Variants in ABCA6 observed in about 807,000 individuals in gnomAD.
The protein encoded by ABCA6 is ATP-binding cassette sub-family A member 6.
In ABCA6, 164 loss-of-function variants were observed where a neutral mutation model predicts 191.2. The ratio of observed to expected loss-of-function variants is 0.86; its 90% CI spans 0.76 to 0.98. The LOEUF is 0.98. ABCA6 is among the 50% of genes least tolerant of loss of function. The pLI, the probability that ABCA6 is intolerant of heterozygous loss-of-function variation, is 0.00. For synonymous variants in ABCA6, 636 were observed against 647.7 expected (o/e 0.98, Z 0.27); for missense variants, 1,958 against 1,894.1 (o/e 1.03, Z -0.63).
rs1468363789 is a variant in ABCA6 at position 69,105,467 on chromosome 17, T to A, written c.2735A>T (p.Asn912Ile). 7 of 1,605,770 alleles carry A rather than the reference T, an allele frequency of 4.4e-6. No homozygotes were observed. The highest frequency in any genetic ancestry group is 1.3e-5 in the African/African-American group (1 of 74,550). Residue 912 changes from asparagine to isoleucine, a missense_variant, in exon 20 of 39, where the codon AAC becomes ATC. Coordinates refer to ENST00000284425, the MANE Select transcript of ABCA6 (RefSeq NM_080284.3). ...EPRTSLLIIN[N>I]TESNIEDFIK... ...AATTTTATTTTTCTTTTCACCTGTG[T>A]TATTGATGATCAACAGGCTGGTACG... is the stretch of plus-strand genomic sequence containing the variant.
chr17:69,109,713 C>G (rs2073382817), intron 17 of ABCA6: 1 of 152,124 alleles, frequency 6.6e-6, no homozygotes, highest in Non-Finnish European at 1.5e-5. Flanking sequence ...CGTGAATCAT[C>G]CCCTGTCCAG....
chr17:69,082,796 A>T lies in ABCA6; in HGVS notation c.4616+77T>A, dbSNP rs1199361952. On this transcript the variant is annotated intron_variant, in intron 36 of 38. Coordinates refer to ENST00000284425, the MANE Select transcript of ABCA6 (RefSeq NM_080284.3). ...TTATTATGAAGCCAAATCACTATGA[A>T]GTTCTCACACAGCAAAAAGGAAACC... is the stretch of plus-strand genomic sequence containing the variant. 2.5e-6 allele frequency: 4 copies of T among 1,573,722 alleles called. No homozygotes were observed. The South Asian group carries it at 4.7e-5, about 18-fold the overall frequency.
At chr17:69,116,317 T>G (rs2073537985) in intron 11 of ABCA6, among the ~76,000 whole-genome samples, 1 of 152,118 alleles carries the variant, frequency 6.6e-6, no homozygotes, top group Non-Finnish European at 1.5e-5. Flanking sequence ...AAATGGTACA[T>G]GTAAATCACT....
intron 10 of ABCA6, among the ~76,000 whole-genome samples, chr17:69,120,374 G>T (rs560923579): frequency 1.3e-5 from 2 of 151,838 alleles, no homozygotes; most frequent in South Asian, 4.2e-4. Context: ...CGTTCTCTTC[G>T]ATTTCCCTAA....
At chr17:69,122,535 C>T (rs970019033) in intron 10 of ABCA6, among the ~76,000 whole-genome samples, 1 of 152,020 alleles carries the variant, frequency 6.6e-6, no homozygotes, top group African/African-American at 2.4e-5. Context: ...CACTGAGACT[C>T]ATAAAATTTA....
intron 18 of ABCA6, among the ~76,000 whole-genome samples, chr17:69,106,997 A>G (rs1344195627): frequency 6.6e-6 from 1 of 152,180 alleles, no homozygotes; most frequent in Non-Finnish European, 1.5e-5. Flanking sequence ...AAAATAGCCA[A>G]TCATTACACC....
chr17:69,107,614 C>T, intron 18 of ABCA6, 82 bp downstream of exon 18: 1 of 953,398 alleles, frequency 1.0e-6, no homozygotes, highest in Non-Finnish European at 1.6e-6. Context: ...TAGTGTGAAT[C>T]ACCCATAAGA....
Position 69,084,546 on chromosome 17 carries a change from G to T in ABCA6, c.4185-39C>A, listed in dbSNP as rs751708179. On this transcript the variant is annotated intron_variant, in intron 32 of 38. Transcript: ENST00000284425. ...GAATGAGAATATCTGGTCAAGACAA[G>T]GTTTTTGGAAAATCCAAGCACACAG... The T allele has an allele frequency of 2.5e-6, 4 of 1,602,706 alleles. No homozygotes were observed. In the South Asian group the frequency reaches 4.4e-5, roughly 18 times the overall value.
Position 69,110,796 on chromosome 17 carries a change from GTT to G in ABCA6, c.2272+3_2272+4del. On this transcript the variant is annotated splice_donor_region_variant and intron_variant, in intron 17 of 38. Coordinates refer to ENST00000284425, the MANE Select transcript of ABCA6 (RefSeq NM_080284.3). ...TTCATTTCATTGTAATCATAGTTGAGTTACCTGGAAATGTATTTGTCCTTTCC... is the reference window on the plus strand; with the variant it reads ...TTCATTTCATTGTAATCATAGTTGAGACCTGGAAATGTATTTGTCCTTTCC... 1.3e-6 allele frequency: 2 copies of G among 1,599,316 alleles called. No homozygotes were observed. The highest frequency in any genetic ancestry group is 1.7e-6 in the Non-Finnish European group (2 of 1,174,352).
Position 69,106,145 on chromosome 17 carries a change from G to A in ABCA6, c.2456C>T (p.Ser819Phe), listed in dbSNP as rs1301608606. Residue 819 changes from serine to phenylalanine, a missense_variant, in exon 19 of 39, where the codon TCC becomes TTC. Coordinates refer to ENST00000284425, the MANE Select transcript of ABCA6 (RefSeq NM_080284.3). Reference sequence around the variant, plus strand: ...CACAGCTGTCTGCATTTCAGAGAAGGAAGAGTGAGCCAGCTCCATTTCATT... The same window carrying A: ...CACAGCTGTCTGCATTTCAGAGAAGAAAGAGTGAGCCAGCTCCATTTCATT... ...SLNEMELAHSSFSEMQTAVSD... is the reference protein window; with the variant it reads ...SLNEMELAHSFFSEMQTAVSD... The A allele has an allele frequency of 6.2e-7, 1 of 1,613,952 alleles. No homozygotes were observed. Among genetic ancestry groups the A allele is most frequent in the Admixed American group, 1.7e-5 (1 of 59,988 alleles).
chr17:69,107,928 G>A, intron 17 of ABCA6, 116 bp from the exon 18 acceptor site: 1 of 694,602 alleles, frequency 1.4e-6, no homozygotes, highest in South Asian at 1.8e-5. Flanking sequence ...TTATGTCCTT[G>A]GAGTATCACA....
At chr17:69,083,604 G>T (rs2072695643) in intron 34 of ABCA6, among the ~76,000 whole-genome samples, 1 of 152,136 alleles carries the variant, frequency 6.6e-6, no homozygotes, top group African/African-American at 2.4e-5. Flanking sequence ...ATAATTGGAG[G>T]GTGGAGAAAG....
chr17:69,115,250 G>T, intron 12 of ABCA6, 126 bp downstream of exon 12: 1 of 645,768 alleles, frequency 1.5e-6, no homozygotes, highest in Non-Finnish European at 2.4e-6. Context: ...TGTAGCTCTT[G>T]GAAACAACTT....
chr17:69,139,960 G>C (rs926960180), intron 2 of ABCA6, among the ~76,000 whole-genome samples: 1 of 138,990 alleles, frequency 7.2e-6, no homozygotes, highest in African/African-American at 2.6e-5. Context: ...GATGGGGGGA[G>C]GGGGGAGGGA....
At chr17:69,124,050 A>G (rs2073701595) in intron 9 of ABCA6, among the ~76,000 whole-genome samples, 1 of 152,092 alleles carries the variant, frequency 6.6e-6, no homozygotes, top group Non-Finnish European at 1.5e-5. Flanking sequence ...TGACCACAGC[A>G]ACATAATTGA....
At chr17:69,087,159 T>C (rs2072817587) in intron 29 of ABCA6, among the ~76,000 whole-genome samples, 194 bp downstream of exon 29, 1 of 152,218 alleles carries the variant, frequency 6.6e-6, no homozygotes, top group Admixed American at 6.5e-5. Flanking sequence ...TTTTGTGTTC[T>C]TTTTAGCTTC....
rs1568006954 is a variant in ABCA6, at chr17:69,098,037, T to C, written c.3013-10A>G. On this transcript the variant is annotated splice_polypyrimidine_tract_variant and intron_variant, in intron 22 of 38. Transcript: ENST00000284425. ...AGAGTCCTATGTGGCTCTGAAAATA[T>C]AAAGGGTAGCTTAAACTAGTGAATA... 2 of 1,557,038 alleles carry C rather than the reference T, an allele frequency of 1.3e-6. No individual in the cohort carries two copies. Among genetic ancestry groups the C allele is most frequent in the Non-Finnish European group, 1.7e-6 (2 of 1,153,106 alleles).
intron 36 of ABCA6, among the ~76,000 whole-genome samples, chr17:69,081,970 T>C (rs996288298): frequency 1.3e-5 from 2 of 152,336 alleles, no homozygotes; most frequent in African/African-American, 4.8e-5. Flanking sequence ...CCTCATGCCC[T>C]ATTCCCAGCT....
At chr17:69,079,111 G>T (rs768097626) in intron 38 of ABCA6, 37 bp from the exon 39 acceptor site, 1 of 1,573,864 alleles carries the variant, frequency 6.4e-7, no homozygotes, top group East Asian at 2.2e-5. Flanking sequence ...AGAAGGAAGA[G>T]AGATTATCAA....
Sources: allele counts gnomAD v4.1 joint callset (sites outside exome capture counted in the v4.1 genomes callset), GRCh38; gene constraint gnomAD v4.1.1; transcripts MANE v1.5; gene names NCBI Gene and HGNC (gene_info 2026-07-23, HGNC 2026-07-21).